FAIM: variants seen among roughly 807,000 people sequenced by gnomAD.
FAIM encodes fas apoptotic inhibitory molecule 1.
FAIM carries 14 observed loss-of-function variants against 21.2 expected under a neutral mutation model. That is an observed-to-expected ratio of 0.66 (90% CI 0.44 to 1.03). The LOEUF (loss-of-function observed/expected upper bound fraction) is 1.03, where lower values mean the gene tolerates loss of function less well. FAIM is among the 50% of genes least tolerant of loss of function. FAIM has a pLI of 0.00. For synonymous variants in FAIM, 86 were observed against 80.4 expected (o/e 1.07, Z -0.37); for missense variants, 222 against 247.1 (o/e 0.90, Z 0.68).
chr3:138,609,590 TCGA>T (rs1160566098), intron 1 of FAIM, among the ~76,000 whole-genome samples: 18 of 19,286 alleles, frequency 9.3e-4, no homozygotes, highest in African/African-American at 2.5e-3. Flanking sequence ...TCTCTCTCTC[TCGA>T]CTCTCTCTCT....
At chr3:138,616,533 C>G (rs1245915617) in intron 1 of FAIM, among the ~76,000 whole-genome samples, 1 of 152,048 alleles carries the variant, frequency 6.6e-6, no homozygotes, top group African/African-American at 2.4e-5. Context: ...TGCCACCACA[C>G]CCAGCTAATT....
chr3:138,628,720 T>G (rs1303534304), intron 4 of FAIM, among the ~76,000 whole-genome samples: 2 of 152,062 alleles, frequency 1.3e-5, no homozygotes, highest in East Asian at 3.9e-4. Flanking sequence ...CCTGACCTTG[T>G]GATCCGCCTG....
intron 2 of FAIM, among the ~76,000 whole-genome samples, chr3:138,620,903 TTCTG>T (rs2042877620): frequency 6.6e-6 from 1 of 152,218 alleles, no homozygotes; most frequent in African/African-American, 2.4e-5. Flanking sequence ...CATGACTTTT[TTCTG>T]TCTTAGTATA....
At position 138,632,934 on chromosome 3, in the gene FAIM, A is replaced by T; in HGVS notation, c.461A>T (p.Glu154Val). 1 of 1,612,232 alleles carries T rather than the reference A, an allele frequency of 6.2e-7. No individual in the cohort carries two copies. Among genetic ancestry groups the T allele is most frequent in the East Asian group, 2.2e-5 (1 of 44,800 alleles). Reference sequence around the variant, plus strand: ...CTTCTTCTTTTGTTGCTCCAGGGTGAGTTTGTAGATGATGGGACTGAAACT... The same window carrying T: ...CTTCTTCTTTTGTTGCTCCAGGGTGTGTTTGTAGATGATGGGACTGAAACT... The part of the protein sequence containing the change: ...CNGKKLETAG[E>V]FVDDGTETHF... Residue 154 changes from glutamate to valine, a missense_variant, in exon 6 of 6, where the codon GAG becomes GTG. By Grantham distance (121) the Glu-to-Val change is moderately radical. Coordinates refer to ENST00000360570, the MANE Select transcript of FAIM (RefSeq NM_001033031.2).
At chr3:138,609,314 C>A in intron 1 of FAIM, among the ~76,000 whole-genome samples, 1 of 151,818 alleles carries the variant, frequency 6.6e-6, no homozygotes, top group Non-Finnish European at 1.5e-5. Flanking sequence ...TGCCCCGCGA[C>A]CTGCCGCACC....
At chr3:138,620,340 T>G (rs1447199825) in intron 2 of FAIM, among the ~76,000 whole-genome samples, 1 of 152,108 alleles carries the variant, frequency 6.6e-6, no homozygotes, top group Non-Finnish European at 1.5e-5. Flanking sequence ...ATGATTATTA[T>G]TACTGTAATA....
Position 138,617,379 on chromosome 3 carries a change from GTATGTATAA to G in FAIM, c.-16-2323_-16-2315del, listed in dbSNP as rs972340026. ...GTTTGGCTTATTTTTTATATTATAT[GTATGTATAA>G]TATGTATATATTATATATAATATGT... On this transcript the variant is annotated intron_variant, in intron 1 of 5. Transcript: ENST00000360570. Among the ~76,000 whole-genome samples, 507 of 146,902 alleles carry G rather than the reference GTATGTATAA, an allele frequency of 3.5e-3. 2 individuals carry two copies. Among genetic ancestry groups the G allele is most frequent in the African/African-American group, 0.012 (484 of 40,344 alleles).
In FAIM at chr3:138,633,108, A is replaced by G. The variant is rs2043024777; in HGVS notation, c.*29A>G. Reference sequence around the variant, plus strand: ...ATTTTCATCTTAAGAAGTAAAGATCAGGACTTTTTAATTACTGTGGTAATT... The same window carrying G: ...ATTTTCATCTTAAGAAGTAAAGATCGGGACTTTTTAATTACTGTGGTAATT... On this transcript the variant is annotated 3_prime_UTR_variant, in exon 6 of 6. Transcript: ENST00000360570. 6.2e-7 allele frequency: 1 copy of G among 1,601,676 alleles called. No homozygotes were observed. Among genetic ancestry groups the G allele is most frequent in the East Asian group, 2.2e-5 (1 of 44,710 alleles).
chr3:138,617,010 T>A (rs2042832178), intron 1 of FAIM, among the ~76,000 whole-genome samples: 2 of 152,178 alleles, frequency 1.3e-5, no homozygotes, highest in African/African-American at 4.8e-5. Context: ...TTGCTATTTT[T>A]TAAGTAGTCC....
At chr3:138,611,026 T>C (rs1289030222) in intron 1 of FAIM, 2 of 1,613,230 alleles carry the variant, frequency 1.2e-6, no homozygotes. Context: ...CTCCGGACTC[T>C]GCCACTCTGA....
chr3:138,631,131 C>A (rs1171511890), intron 5 of FAIM: 2 of 149,958 alleles, frequency 1.3e-5, no homozygotes, highest in Non-Finnish European at 3.0e-5. Context: ...GAATGTGAGA[C>A]CCTGTCTCAA....
chr3:138,619,921 G>A, intron 2 of FAIM, 151 bp downstream of exon 2: 2 of 732,050 alleles, frequency 2.7e-6, no homozygotes, highest in Non-Finnish European at 2.2e-6. Context: ...TAAAGCAGGA[G>A]TAGTAAATAC....
chr3:138,627,766 G>C (rs1399146187), intron 4 of FAIM, among the ~76,000 whole-genome samples: 2 of 152,036 alleles, frequency 1.3e-5, no homozygotes, highest in Non-Finnish European at 2.9e-5. Flanking sequence ...CATATCTCCT[G>C]GACCCCTCTG....
chr3:138,611,957 G>A (rs1336636503), intron 1 of FAIM, among the ~76,000 whole-genome samples: 3 of 152,156 alleles, frequency 2.0e-5, no homozygotes, highest in African/African-American at 7.2e-5. Flanking sequence ...CTTTGTAGCA[G>A]CATGAAAGAG....
chr3:138,629,232 T>A, intron 5 of FAIM, 76 bp downstream of exon 5: 2 of 1,213,572 alleles, frequency 1.6e-6, no homozygotes, highest in Non-Finnish European at 2.4e-6. Context: ...TTCCTAATTA[T>A]AGAGATCTTA....
intron 1 of FAIM, among the ~76,000 whole-genome samples, chr3:138,613,763 G>C (rs989519742): frequency 1.3e-5 from 2 of 152,214 alleles, no homozygotes; most frequent in Non-Finnish European, 2.9e-5. Context: ...GGGAATGCGG[G>C]TGTGAGCCAC....
intron 1 of FAIM, among the ~76,000 whole-genome samples, chr3:138,615,566 A>G (rs2108337854): frequency 6.6e-6 from 1 of 152,304 alleles, no homozygotes; most frequent in Admixed American, 6.5e-5. Flanking sequence ...TTTTAGAATA[A>G]TTATTCATGT....
Position 138,621,902 on chromosome 3 carries a change from C to T in FAIM, c.178-286C>T, listed in dbSNP as rs1004182977. ...TGTTTAAGCTATTCTCCTGCCTCAG[C>T]CTCTCAAGTAGCTGGGATTACAGGC... On this transcript the variant is annotated intron_variant, in intron 3 of 5. Transcript: ENST00000360570. Among the ~76,000 whole-genome samples the T allele has an allele frequency of 2.0e-5, 3 of 152,254 alleles. No individual in the cohort carries two copies. In the East Asian group the frequency reaches 5.8e-4, roughly 29 times the overall value.
chr3:138,630,963 C>G (rs922871942), intron 5 of FAIM: 1 of 151,924 alleles, frequency 6.6e-6, no homozygotes, highest in African/African-American at 2.4e-5. Context: ...CATGGCGAAA[C>G]CCCTCTCTAC....
Sources: allele counts gnomAD v4.1 joint callset (sites outside exome capture counted in the v4.1 genomes callset), GRCh38; gene constraint gnomAD v4.1.1; transcripts MANE v1.5; gene names NCBI Gene and HGNC (gene_info 2026-07-23, HGNC 2026-07-21).